MAN2A2: variants seen among roughly 807,000 people sequenced by gnomAD.
MAN2A2 encodes the protein alpha-mannosidase 2x.
In MAN2A2, 79 loss-of-function variants were observed where a neutral mutation model predicts 126.8. The ratio of observed to expected loss-of-function variants is 0.62; its 90% confidence interval spans 0.52 to 0.75. The LOEUF is 0.75. Ranked by LOEUF, MAN2A2 falls within the 30% of genes least tolerant of loss-of-function variation. MAN2A2 has a pLI of 0.00. For missense variants in MAN2A2, 1,392 were observed against 1,522.4 expected (o/e 0.91, Z 1.43); for synonymous variants, 671 against 618.7 (o/e 1.08, Z -1.25).
intron 22 of MAN2A2, among the ~76,000 whole-genome samples, chr15:90,918,967 G>C (rs2035398129): frequency 6.6e-6 from 1 of 152,186 alleles, no homozygotes. Flanking sequence ...TTTGTTCCCT[G>C]AGCAGGGACC....
Position 90,913,579 on chromosome 15 carries a change from C to T in MAN2A2, c.2719-35C>T, listed in dbSNP as rs765155160. 20 of 1,593,332 alleles carry T rather than the reference C, an allele frequency of 1.3e-5. 1 individual carries two copies. The highest frequency in any genetic ancestry group is 2.7e-5 in the African/African-American group (2 of 74,224). On this transcript the variant is annotated intron_variant, in intron 18 of 22. Coordinates refer to ENST00000559717, the MANE Select transcript of MAN2A2 (RefSeq NM_006122.4). ...GGACCGCTTGGGCCCACATGGTGCC[C>T]GGGTGCCCTTGATCTGCTGGCCTTG...
chr15:90,915,792 T>G (rs948371908), intron 19 of MAN2A2, among the ~76,000 whole-genome samples: 3 of 152,264 alleles, frequency 2.0e-5, no homozygotes, highest in African/African-American at 7.2e-5. Context: ...GTTTATTTTG[T>G]TGTATGTAAC....
At chr15:90,911,297 T>C in intron 13 of MAN2A2, 59 bp downstream of exon 13, 2 of 1,613,382 alleles carry the variant, frequency 1.2e-6, no homozygotes, top group Non-Finnish European at 1.7e-6. Flanking sequence ...CTCAGGCCCC[T>C]CTGCCCCAGC....
At chr15:90,914,379 G>A (rs1443758687) in intron 19 of MAN2A2, among the ~76,000 whole-genome samples, 1 of 152,224 alleles carries the variant, frequency 6.6e-6, no homozygotes, top group African/African-American at 2.4e-5. Flanking sequence ...CTCAGCTGAG[G>A]TGTGCAACCC....
chr15:90,911,524 A>G lies in MAN2A2; in HGVS notation c.2083A>G (p.Thr695Ala), dbSNP rs777498221. 1.2e-4 allele frequency: 195 copies of G among 1,613,294 alleles called. No homozygotes were observed. The highest frequency in any genetic ancestry group is 1.6e-4 in the Non-Finnish European group (194 of 1,179,810). The stretch of plus-strand genomic sequence containing the variant: ...GATCAGCGCACACTGGAGCTCTGCC[A>G]CCGAGGCGGTCCCTGACGTCTACCA... ...VQISAHWSSA[T>A]EAVPDVYQVS... Residue 695 changes from threonine (T) to alanine (A), a missense_variant, in exon 14 of 23, where the codon ACC becomes GCC. Coordinates refer to ENST00000559717, the MANE Select transcript of MAN2A2 (RefSeq NM_006122.4).
chr15:90,911,560 G>A lies in MAN2A2; in HGVS notation c.2109+10G>A, dbSNP rs754129782. 1.2e-6 allele frequency: 2 copies of A among 1,602,048 alleles called. No individual in the cohort carries two copies. The highest frequency in any genetic ancestry group is 2.2e-5 in the South Asian group (2 of 90,724). ...CCCTGACGTCTACCAGGTGAGGTGT[G>A]GGCTTGTCAGGTGGGCCTGGCCCTC... On this transcript the variant is annotated intron_variant, in intron 14 of 22. Coordinates refer to ENST00000559717, the MANE Select transcript of MAN2A2 (RefSeq NM_006122.4).
In MAN2A2 at chr15:90,913,712, G is replaced by A. The variant is rs375716398; in HGVS notation, c.2817G>A (p.Thr939=). The A allele has an allele frequency of 3.7e-5, 60 of 1,603,404 alleles. No homozygotes were observed. In the African/African-American group the frequency reaches 6.1e-4, roughly 16 times the overall value. The change falls in exon 19 of 23, where the codon ACG becomes ACA. Residue 939 remains threonine, a synonymous_variant. Transcript: ENST00000559717. ...TCCAGGACGCACAGAAGCGCCTCACGCTGCACACTGCCCAGGCCCTGGGTG... is the reference window on the plus strand; with the variant it reads ...TCCAGGACGCACAGAAGCGCCTCACACTGCACACTGCCCAGGCCCTGGGTG... The part of the protein sequence containing the change: ...AYIQDAQKRL[T]LHTAQALGVS...
chr15:90,902,793 C>T (rs1265117551), upstream of MAN2A2: 1 of 145,834 alleles, frequency 6.9e-6, no homozygotes, highest in Non-Finnish European at 1.5e-5. Context: ...CGCAGCGGAG[C>T]GCGCCGGCGG....
chr15:90,904,671 C>T (rs1168392978), intron 2 of MAN2A2, among the ~76,000 whole-genome samples: 2 of 151,744 alleles, frequency 1.3e-5, no homozygotes, highest in African/African-American at 2.4e-5. Context: ...CTCACTGCAA[C>T]CTCCGCCTCC....
At chr15:90,916,326 C>A (rs2035178091) in intron 20 of MAN2A2, 70 bp downstream of exon 20, 1 of 1,565,862 alleles carries the variant, frequency 6.4e-7, no homozygotes, top group Non-Finnish European at 8.7e-7. Context: ...GGGGTCCAGC[C>A]TAGGGCTCGA....
chr15:90,902,699 C>A (rs1487287258), upstream of MAN2A2: 1 of 149,864 alleles, frequency 6.7e-6, no homozygotes, highest in Non-Finnish European at 1.5e-5. Context: ...CACACGCAGG[C>A]CGGGGCGGGC....
At chr15:90,916,088 G>A in intron 19 of MAN2A2, 35 bp from the exon 20 acceptor site, 1 of 1,607,480 alleles carries the variant, frequency 6.2e-7, no homozygotes, top group Non-Finnish European at 8.5e-7. Flanking sequence ...GCTTGGGGGT[G>A]GGGGCGGGCC....
chr15:90,916,079 C>T (rs757849168), intron 19 of MAN2A2, 44 bp from the exon 20 acceptor site: 2 of 1,594,244 alleles, frequency 1.3e-6, no homozygotes, highest in East Asian at 4.5e-5. Flanking sequence ...TCAGTGCCTG[C>T]TTGGGGGTGG....
Position 90,911,276 on chromosome 15 carries a change from A to G in MAN2A2, c.1943+38A>G, listed in dbSNP as rs536507617. On this transcript the variant is annotated intron_variant, in intron 13 of 22. Transcript: ENST00000559717. The stretch of plus-strand genomic sequence containing the variant: ...ACGCCATGTGCAGAGAGGCAGAGCC[A>G]TTCCCTGGCTCTCAGGCCCCTCTGC... 1.9e-6 allele frequency: 3 copies of G among 1,613,078 alleles called. No homozygotes were observed. In the East Asian group the frequency reaches 6.7e-5, roughly 36 times the overall value.
rs1244728698 is a variant in MAN2A2, at chr15:90,913,413, C to A, written c.2718+7C>A. On this transcript the variant is annotated splice_region_variant and intron_variant, in intron 18 of 22. Transcript: ENST00000559717. The stretch of plus-strand genomic sequence containing the variant: ...AGACCTCAATGGCTTTCAGGTGACT[C>A]CTGGGCCTGGGTCTCGGAGACCCCA... The A allele has an allele frequency of 1.3e-6, 2 of 1,581,768 alleles. No individual in the cohort carries two copies. Among genetic ancestry groups the A allele is most frequent in the Non-Finnish European group, 1.7e-6 (2 of 1,150,924 alleles).
chr15:90,905,625 G>T lies in MAN2A2; in HGVS notation c.437G>T (p.Gly146Val). 1 of 1,614,176 alleles carries T rather than the reference G, an allele frequency of 6.2e-7. No individual in the cohort carries two copies. The highest frequency in any genetic ancestry group is 8.5e-7 in the Non-Finnish European group (1 of 1,180,026). ...CTGCCGTTTGACAACGTGGATGGTG[G>T]TGTGTGGAGGCAAGGCTTCGACATC... Reference protein sequence around the residue: ...EELPFDNVDGGVWRQGFDISY... With the variant: ...EELPFDNVDGVVWRQGFDISY... The change falls in exon 4 of 23, where the codon GGT becomes GTT. Residue 146 changes from glycine (G) to valine (V), a missense_variant. Physicochemically the swap from Gly to Val is moderately radical, Grantham distance 109 (BLOSUM62 -3). Coordinates refer to ENST00000559717, the MANE Select transcript of MAN2A2 (RefSeq NM_006122.4).
Position 90,905,496 on chromosome 15 carries a change from G to A in MAN2A2, c.378G>A (p.Lys126=). 1 of 1,614,114 alleles carries A rather than the reference G, an allele frequency of 6.2e-7. No individual in the cohort carries two copies. Among genetic ancestry groups the A allele is most frequent in the Non-Finnish European group, 8.5e-7 (1 of 1,180,042 alleles). ...TTGCTTTGGGGGGCCGGGGTCAGAA[G>A]CCAGAGCTGCAGGTAAGAGTCAGAG... is the stretch of plus-strand genomic sequence containing the variant. ...CQFALGGRGQ[K]PELQMLTVSE... The change falls in exon 3 of 23, where the codon AAG becomes AAA. Residue 126 remains lysine, a synonymous_variant. Transcript: ENST00000559717.
chr15:90,905,995 A>G lies in MAN2A2; in HGVS notation c.686A>G (p.Gln229Arg). The G allele has an allele frequency of 6.2e-7, 1 of 1,613,988 alleles. No homozygotes were observed. The highest frequency in any genetic ancestry group is 8.5e-7 in the Non-Finnish European group (1 of 1,180,024). The change falls in exon 5 of 23, where the codon CAA becomes CGA. Residue 229 changes from glutamine to arginine, a missense_variant. By Grantham distance (43) the Gln-to-Arg change is conservative (BLOSUM62 1). Coordinates refer to ENST00000559717, the MANE Select transcript of MAN2A2 (RefSeq NM_006122.4). ...AAGTGGTGGGACAACATCAATGTCCAAAAGAGAGCGGCAGTCCGAAGGCCA... is the reference window on the plus strand; with the variant it reads ...AAGTGGTGGGACAACATCAATGTCCGAAAGAGAGCGGCAGTCCGAAGGCCA... ...FAKWWDNINV[Q>R]KRAAVRRLVG...
In MAN2A2 at chr15:90,912,472, C is replaced by T. The variant is rs145507113; in HGVS notation, c.2347-70C>T. 1.8e-3 allele frequency: 2,917 copies of T among 1,597,896 alleles called. 22 individuals carry two copies. Among genetic ancestry groups the T allele is most frequent in the South Asian group, 9.5e-3 (849 of 89,720 alleles). ...GCACGGCTCCTTGGGGAAGCTATTC[C>T]GTGTCCTCCCAGGAGGCAGGCCTGA... On this transcript the variant is annotated intron_variant, in intron 15 of 22. Coordinates refer to ENST00000559717, the MANE Select transcript of MAN2A2 (RefSeq NM_006122.4).
Sources: gnomAD v4.1 joint callset for allele counts (sites outside exome capture counted in the v4.1 genomes callset) on GRCh38, gnomAD v4.1.1 for gene constraint, MANE v1.5 for transcripts, NCBI Gene and HGNC (gene_info 2026-07-23, HGNC 2026-07-21) for gene names.